The following PRKG1 variants were observed in gnomAD, a reference collection of about 807,000 sequenced individuals.
The protein encoded by PRKG1 is protein kinase cGMP-dependent 1.
PRKG1 carries 35 observed loss-of-function variants against 88.1 expected under a neutral mutation model. That is an observed-to-expected ratio of 0.40 (90% confidence interval 0.30 to 0.53). The LOEUF (loss-of-function observed/expected upper bound fraction) is 0.53, where lower values mean the gene tolerates loss of function less well. PRKG1 is among the 20% of genes least tolerant of loss of function. PRKG1 has a pLI of 0.59. For synonymous variants in PRKG1, 303 were observed against 292.5 expected, an observed-to-expected ratio of 1.04 and a Z score of -0.37; for missense variants, 540 against 839.8, an observed-to-expected ratio of 0.64 and a Z score of 4.41.
At chr10:52,149,178 G>A (rs751781522) in intron 8 of PRKG1, among the ~76,000 whole-genome samples, 1 of 151,622 alleles carries the variant, frequency 6.6e-6, no homozygotes, top group African/African-American at 2.4e-5. Flanking sequence ...AGAAAAGTAC[G>A]ATGATAATGT....
Position 51,225,659 on chromosome 10 carries a change from A to G in PRKG1, c.478+72329A>G, listed in dbSNP as rs561941066. Among the ~76,000 whole-genome samples the G allele has an allele frequency of 2.0e-5, 3 of 152,268 alleles. No homozygotes were observed. The East Asian group carries it at 5.8e-4, about 29-fold the overall frequency. ...TATACGTAAATACATTATTATTAATAATATAAATTCAGTGTGTATGTATTT... is the reference window on the plus strand; with the variant it reads ...TATACGTAAATACATTATTATTAATGATATAAATTCAGTGTGTATGTATTT... On this transcript the variant is annotated intron_variant, in intron 2 of 17. Coordinates refer to ENST00000373980, the MANE Select transcript of PRKG1 (RefSeq NM_006258.4).
intron 1 of PRKG1, among the ~76,000 whole-genome samples, chr10:51,086,231 T>C (rs988911701): frequency 2.0e-5 from 3 of 152,226 alleles, no homozygotes; most frequent in Admixed American, 6.5e-5. Context: ...TTTAACTTCT[T>C]GACACCTTTT....
At chr10:51,270,851 C>T (rs189909648) in intron 2 of PRKG1, among the ~76,000 whole-genome samples, 2 of 152,160 alleles carry the variant, frequency 1.3e-5, no homozygotes, top group East Asian at 1.9e-4. Context: ...GGAATCTAGA[C>T]TAGGAAGTTA....
chr10:52,024,484 C>G (rs1183808529), intron 5 of PRKG1, among the ~76,000 whole-genome samples: 3 of 152,022 alleles, frequency 2.0e-5, no homozygotes, highest in Non-Finnish European at 2.9e-5. Flanking sequence ...CCCCCATTCC[C>G]CCACCCCACG....
At chr10:51,150,030 G>T (rs1846031884) in intron 1 of PRKG1, among the ~76,000 whole-genome samples, 1 of 151,866 alleles carries the variant, frequency 6.6e-6, no homozygotes. Flanking sequence ...CACATTTTGG[G>T]CATGAAAGAA....
intron 4 of PRKG1, among the ~76,000 whole-genome samples, chr10:51,868,219 C>G (rs1469789996): frequency 3.3e-5 from 5 of 152,104 alleles, no homozygotes; most frequent in Admixed American, 3.3e-4. Flanking sequence ...AGGCAGGCAG[C>G]TTTCCAAGAG....
intron 2 of PRKG1, among the ~76,000 whole-genome samples, chr10:51,222,757 G>A (rs1483648079): frequency 2.6e-5 from 4 of 152,068 alleles, no homozygotes; most frequent in Non-Finnish European, 4.4e-5. Context: ...TTCATGAGAA[G>A]AGGCCCTGAC....
At chr10:52,196,232 G>T (rs1386176731) in intron 9 of PRKG1, among the ~76,000 whole-genome samples, 1 of 152,050 alleles carries the variant, frequency 6.6e-6, no homozygotes. Context: ...TAGCCAGGAT[G>T]GTCTCGATCT....
At chr10:51,531,204 G>A (rs553846761) in intron 3 of PRKG1, among the ~76,000 whole-genome samples, 2 of 152,184 alleles carry the variant, frequency 1.3e-5, no homozygotes, top group South Asian at 4.2e-4. Flanking sequence ...GCCCTCAATG[G>A]TTTTACTCCT....
chr10:51,718,331 G>A (rs545316096), intron 3 of PRKG1, among the ~76,000 whole-genome samples: 3 of 152,280 alleles, frequency 2.0e-5, no homozygotes, highest in African/African-American at 7.2e-5. Context: ...GGGAACAGGG[G>A]AGCAGTCCAA....
intron 9 of PRKG1, among the ~76,000 whole-genome samples, chr10:52,192,536 G>T (rs1489754050): frequency 1.3e-5 from 2 of 152,082 alleles, no homozygotes; most frequent in Non-Finnish European, 2.9e-5. Flanking sequence ...CTTCAAGAAA[G>T]AATTTTTCAT....
chr10:51,873,688 C>T (rs890637482), intron 4 of PRKG1, among the ~76,000 whole-genome samples: 2 of 151,952 alleles, frequency 1.3e-5, no homozygotes, highest in African/African-American at 4.8e-5. Context: ...CCACCGTGCC[C>T]CAGCTAATTT....
intron 2 of PRKG1, among the ~76,000 whole-genome samples, chr10:51,283,697 C>A (rs1322001499): frequency 6.6e-6 from 1 of 152,068 alleles, no homozygotes; most frequent in African/African-American, 2.4e-5. Context: ...CATGAAAGAT[C>A]TTGATGGTGT....
intron 4 of PRKG1, among the ~76,000 whole-genome samples, chr10:51,904,202 T>C (rs184233827): frequency 5.3e-5 from 8 of 152,308 alleles, no homozygotes; most frequent in African/African-American, 1.7e-4. Flanking sequence ...TAAGAATTAC[T>C]CATAATTAGC....
intron 1 of PRKG1, among the ~76,000 whole-genome samples, chr10:51,098,045 G>T (rs1024762189): frequency 2.6e-5 from 4 of 152,066 alleles, no homozygotes; most frequent in South Asian, 2.1e-4. Flanking sequence ...ATGCCCCTTA[G>T]CTCCTATGTG....
At chr10:51,446,382 A>T (rs1359514769) in intron 2 of PRKG1, among the ~76,000 whole-genome samples, 1 of 151,798 alleles carries the variant, frequency 6.6e-6, no homozygotes, top group African/African-American at 2.4e-5. Context: ...GGCTTTCCTG[A>T]TCTAGGAATT....
intron 4 of PRKG1, among the ~76,000 whole-genome samples, chr10:51,819,624 G>A (rs954380108): frequency 1.3e-5 from 2 of 152,122 alleles, no homozygotes; most frequent in Non-Finnish European, 2.9e-5. Flanking sequence ...AAAATAAATG[G>A]AGATAGTGTT....
chr10:52,176,125 G>A (rs1427322610), intron 9 of PRKG1, among the ~76,000 whole-genome samples: 1 of 150,108 alleles, frequency 6.7e-6, no homozygotes, highest in African/African-American at 2.4e-5. Flanking sequence ...TTGCAGTTTG[G>A]GGTCTTACAT....
intron 4 of PRKG1, among the ~76,000 whole-genome samples, chr10:51,812,758 A>C (rs1397923948): frequency 1.3e-5 from 2 of 151,912 alleles, no homozygotes; most frequent in Non-Finnish European, 2.9e-5. Context: ...ACGACACTTC[A>C]AAATGATGAT....
Sources: gnomAD v4.1 joint callset for allele counts (sites outside exome capture counted in the v4.1 genomes callset) on GRCh38, gnomAD v4.1.1 for gene constraint, MANE v1.5 for transcripts, NCBI Gene and HGNC (gene_info 2026-07-23, HGNC 2026-07-21) for gene names.